CDKL4: variants seen among roughly 807,000 people sequenced by gnomAD.
CDKL4 encodes the protein cyclin dependent kinase like 4.
In CDKL4, 44 loss-of-function variants were observed where a neutral mutation model predicts 42.0. The ratio of observed to expected loss-of-function variants is 1.05; its 90% confidence interval spans 0.82 to 1.35. The LOEUF (loss-of-function observed/expected upper bound fraction) is 1.35, where lower values mean the gene tolerates loss of function less well. CDKL4 is among the 40% of genes most tolerant of loss of function. CDKL4 has a pLI of 0.00. For synonymous variants in CDKL4, 120 were observed against 121.6 expected (o/e 0.99, Z 0.09); for missense variants, 393 against 369.9 (o/e 1.06, Z -0.51).
chr2:39,229,296 C>A lies in CDKL4; in HGVS notation c.168+69G>T, dbSNP rs569078757. On this transcript the variant is annotated intron_variant, in intron 2 of 9. Transcript: ENST00000451199. ...ATGGGGGGAAAATAACTTTAAAATT[C>A]TTTGCAATTTTAACATGCATATTTC... 5.7e-4 allele frequency: 651 copies of A among 1,132,976 alleles called. 1 individual carries two copies. Among genetic ancestry groups the A allele is most frequent in the Non-Finnish European group, 7.7e-4 (628 of 814,098 alleles). The allele number at this position is 1,132,976 out of a possible 1,614,324, so 70.2% of individuals were successfully genotyped here. A position where few individuals can be genotyped will look rare whatever the true frequency, so the allele number is the denominator to read the frequency against.
chr2:39,209,767 G>A (rs72927492), intron 4 of CDKL4, among the ~76,000 whole-genome samples: 5,096 of 152,208 alleles, frequency 0.033, 293 homozygotes, highest in African/African-American at 0.12. Flanking sequence ...ACACCACTAG[G>A]TCAGATTGCC....
upstream of CDKL4, among the ~76,000 whole-genome samples, chr2:39,245,326 C>A (rs1216409715): frequency 6.6e-6 from 1 of 152,136 alleles, no homozygotes; most frequent in Non-Finnish European, 1.5e-5. Context: ...TAACACTCAC[C>A]GCAAGGTCTG....
intron 2 of CDKL4, among the ~76,000 whole-genome samples, chr2:39,226,813 C>A (rs758379937): frequency 7.3e-5 from 11 of 151,164 alleles, no homozygotes; most frequent in Non-Finnish European, 1.0e-4. Flanking sequence ...GTCGCCCAGG[C>A]TGAAGTGCAG....
At chr2:39,184,680 A>T (rs371455756) in intron 7 of CDKL4, 33 bp from the exon 8 acceptor site, 16 of 1,452,220 alleles carry the variant, frequency 1.1e-5, no homozygotes, top group African/African-American at 2.8e-5. Context: ...TCAATATTAC[A>T]TAAGAACAAA....
rs183048700 is a variant in CDKL4, at chr2:39,187,751, A to G, written c.653-42T>C. ...ACATAATTCATCATAAATTTGGCAA[A>G]GAATAATCAAGTGTTTAAATGGTTA... On this transcript the variant is annotated intron_variant, in intron 6 of 9. Transcript: ENST00000451199. 5.7e-3 allele frequency: 7,823 copies of G among 1,384,344 alleles called. 38 individuals carry two copies. The highest frequency in any genetic ancestry group is 6.8e-3 in the Non-Finnish European group (6,657 of 976,544). The allele number at this position is 1,384,344 out of a possible 1,614,324, so 85.8% of individuals were successfully genotyped here. A position where few individuals can be genotyped will look rare whatever the true frequency, so the allele number is the denominator to read the frequency against.
At chr2:39,226,920 C>T (rs1298722400) in intron 2 of CDKL4, among the ~76,000 whole-genome samples, 1 of 152,166 alleles carries the variant, frequency 6.6e-6, no homozygotes, top group African/African-American at 2.4e-5. Flanking sequence ...GTGGGTGCTA[C>T]CACGCCTGGC....
rs149894101 is a variant in CDKL4, at chr2:39,204,507, T to TA, written c.454+19dup. Reference sequence around the variant, plus strand: ...TATCATCATCTGAACTGGGTATTAGTAAAAAAAATTGCTACTTACTCAGAA... The same window carrying TA: ...TATCATCATCTGAACTGGGTATTAGTAAAAAAAAATTGCTACTTACTCAGAA... On this transcript the variant is annotated intron_variant, in intron 5 of 9. Coordinates refer to ENST00000451199, the Ensembl canonical transcript of CDKL4. 162 of 1,416,450 alleles carry TA rather than the reference T, an allele frequency of 1.1e-4. 1 individual carries two copies. The African/African-American group carries it at 1.2e-3, about 10-fold the overall frequency. 87.7% of individuals were successfully genotyped at this position (1,416,450 alleles called of 1,614,324 possible). A position where few individuals can be genotyped will look rare whatever the true frequency, so the allele number is the denominator to read the frequency against.
chr2:39,242,727 T>C (rs1044106031), intron 1 of CDKL4, among the ~76,000 whole-genome samples: 7 of 151,422 alleles, frequency 4.6e-5, no homozygotes, highest in African/African-American at 1.5e-4. Context: ...AAGGGAGAGG[T>C]AGAAAAAAAG....
chr2:39,185,926 A>G (rs1265978214), intron 7 of CDKL4, among the ~76,000 whole-genome samples: 1 of 152,172 alleles, frequency 6.6e-6, no homozygotes, highest in African/African-American at 2.4e-5. Flanking sequence ...CAACAGTGCT[A>G]TAAAATCTGT....
chr2:39,193,961 G>A (rs1676354016), intron 5 of CDKL4, among the ~76,000 whole-genome samples: 1 of 152,130 alleles, frequency 6.6e-6, no homozygotes, highest in South Asian at 2.1e-4. Context: ...CTGAATGACT[G>A]GGTTCCTCTT....
At chr2:39,236,786 C>G (rs1193182138) in intron 1 of CDKL4, among the ~76,000 whole-genome samples, 1 of 152,008 alleles carries the variant, frequency 6.6e-6, no homozygotes, top group African/African-American at 2.4e-5. Flanking sequence ...CAAAATTAGT[C>G]AAGTTGGTTG....
At chr2:39,221,691 G>A (rs1037215182) in intron 3 of CDKL4, among the ~76,000 whole-genome samples, 1 of 152,152 alleles carries the variant, frequency 6.6e-6, no homozygotes, top group Admixed American at 6.6e-5. Flanking sequence ...GTGCAAAGTG[G>A]GATAGTTCAG....
At chr2:39,223,184 TG>T (rs986088370) in intron 3 of CDKL4, among the ~76,000 whole-genome samples, 1 of 152,164 alleles carries the variant, frequency 6.6e-6, no homozygotes, top group Non-Finnish European at 1.5e-5. Flanking sequence ...TATACCAAAA[TG>T]CCTGTAACCA....
intron 3 of CDKL4, among the ~76,000 whole-genome samples, chr2:39,218,121 G>T (rs1007042542): frequency 6.6e-6 from 1 of 152,156 alleles, no homozygotes; most frequent in African/African-American, 2.4e-5. Context: ...TCTATTAACA[G>T]TTTATTGTTC....
intron 8 of CDKL4, among the ~76,000 whole-genome samples, chr2:39,183,170 C>T (rs1353737301): frequency 6.6e-6 from 1 of 151,978 alleles, no homozygotes; most frequent in Non-Finnish European, 1.5e-5. Flanking sequence ...GTCCCAGTTA[C>T]TTGGGAGGCT....
At chr2:39,190,633 G>A (rs969103520) in intron 5 of CDKL4, 131 bp from the exon 6 acceptor site, 12 of 694,266 alleles carry the variant, frequency 1.7e-5, no homozygotes, top group Non-Finnish European at 2.7e-5. Context: ...ATGCATTGAG[G>A]CACTAATTGA....
rs1675720872 is a variant in CDKL4 at position 39,185,359 on chromosome 2, TACATATATATATAC to T, written c.736-726_736-713del. 5.1e-5 allele frequency among the ~76,000 whole-genome samples: 5 copies of T among 97,232 alleles called. 1 individual carries two copies. Among genetic ancestry groups the T allele is most frequent in the Non-Finnish European group, 7.9e-5 (4 of 50,918 alleles). 63.8% of individuals were successfully genotyped at this position (97,232 alleles called of 152,430 possible). A position where few individuals can be genotyped will look rare whatever the true frequency, so the allele number is the denominator to read the frequency against. On this transcript the variant is annotated intron_variant, in intron 7 of 9. Coordinates refer to ENST00000451199, the Ensembl canonical transcript of CDKL4. ...GTATATATATACACATATGTATATATACATATATATATACATATGTATATATACATGTATATATA... is the reference window on the plus strand; with the variant it reads ...GTATATATATACACATATGTATATATATATGTATATATACATGTATATATA...
intron 5 of CDKL4, among the ~76,000 whole-genome samples, chr2:39,193,611 G>C (rs528359046): frequency 1.3e-5 from 2 of 152,222 alleles, no homozygotes; most frequent in East Asian, 3.9e-4. Context: ...CTGACCTCAG[G>C]TGATCTGCCT....
At chr2:39,178,491 C>T (rs371174627) in intron 9 of CDKL4, 32 of 1,412,626 alleles carry the variant, frequency 2.3e-5, no homozygotes, top group African/African-American at 1.6e-4. Context: ...TTTTAGGTGC[C>T]GGGTTTACAA....
Sources: allele counts gnomAD v4.1 joint callset (sites outside exome capture counted in the v4.1 genomes callset), GRCh38; gene constraint gnomAD v4.1.1; transcripts MANE v1.5; gene names NCBI Gene and HGNC (gene_info 2026-07-23, HGNC 2026-07-21).